MYL6B: variants seen among roughly 807,000 people sequenced by gnomAD.
MYL6B encodes myosin light chain 6B.
MYL6B carries 19 observed loss-of-function variants against 24.5 expected under a neutral mutation model. The observed-to-expected ratio is 0.78, with a 90% CI of 0.54 to 1.14. MYL6B has a LOEUF of 1.14. MYL6B is among the 50% of genes most tolerant of loss of function. MYL6B has a pLI of 0.00. For synonymous variants in MYL6B, 90 were observed against 100.7 expected (o/e 0.89, Z 0.64); for missense variants, 230 against 263.8 (o/e 0.87, Z 0.89).
chr12:56,155,721 A>C (rs1410384315), intron 5 of MYL6B, 129 bp downstream of exon 5: 2 of 1,549,908 alleles, frequency 1.3e-6, no homozygotes, highest in African/African-American at 2.7e-5. Flanking sequence ...CAGGAGACTG[A>C]GAAGGTCAGA....
chr12:56,155,746 A>G, intron 5 of MYL6B, 154 bp downstream of exon 5: 1 of 1,535,818 alleles, frequency 6.5e-7, no homozygotes, highest in Non-Finnish European at 8.7e-7. Flanking sequence ...TGGGGGTAGA[A>G]TCTGAAGGAC....
At chr12:56,154,771 A>G in intron 2 of MYL6B, 42 bp from the exon 3 acceptor site, 1 of 1,600,224 alleles carries the variant, frequency 6.2e-7, no homozygotes, top group Non-Finnish European at 8.5e-7. Context: ...AGAGGGATTG[A>G]ATAAACTCTC....
At chr12:56,155,452 T>C in exon 5 of MYL6B, 2 of 1,614,184 alleles carry the variant, frequency 1.2e-6, no homozygotes, top group Non-Finnish European at 1.7e-6. Flanking sequence ...TTTGAGACTT[T>C]CCTGCCCATG....
exon 7 of MYL6B, chr12:56,157,892 GT>G: frequency 1.3e-6 from 1 of 745,958 alleles, no homozygotes; most frequent in East Asian, 2.7e-5. Flanking sequence ...ATCCAGTGGG[GT>G]CCGGACACTG....
chr12:56,155,003 G>A, intron 3 of MYL6B, 52 bp from the exon 4 acceptor site: 2 of 1,572,562 alleles, frequency 1.3e-6, no homozygotes, highest in South Asian at 2.4e-5. Context: ...TTCTGTCTGG[G>A]GGTGATGGGA....
At chr12:56,155,624 T>C (rs1268010309) in intron 5 of MYL6B, 32 bp downstream of exon 5, 1 of 1,610,428 alleles carries the variant, frequency 6.2e-7, no homozygotes, top group Non-Finnish European at 8.5e-7. Context: ...AGAACTCCTT[T>C]AGAGTGGAGA....
intron 5 of MYL6B, 22 bp from the exon 6 acceptor site, chr12:56,157,446 A>G: frequency 6.2e-7 from 1 of 1,612,580 alleles, no homozygotes; most frequent in Non-Finnish European, 8.5e-7. Flanking sequence ...GGAGGGCCTC[A>G]GACGTTGTGT....
chr12:56,157,753 C>G lies in MYL6B; in HGVS notation c.*27C>G, dbSNP rs201901796. 1.0e-4 allele frequency: 166 copies of G among 1,609,106 alleles called. No individual in the cohort carries two copies. The East Asian group carries it at 2.9e-3, about 28-fold the overall frequency. On this transcript the variant is annotated 3_prime_UTR_variant, in exon 7 of 7. Coordinates refer to ENST00000553066, the Ensembl canonical transcript of MYL6B. ...TGCTGCAGGTAGGGCCCTCCCACCC[C>G]TTCGCCGCGCCTTACGAGGCAAGTC...
At chr12:56,156,442 TAAAAACAC>T (rs776400448) in intron 5 of MYL6B, among the ~76,000 whole-genome samples, 1 of 150,002 alleles carries the variant, frequency 6.7e-6, no homozygotes, top group Non-Finnish European at 1.5e-5. Context: ...TCGTCTCTAC[TAAAAACAC>T]AAAAATTAGC....
chr12:56,157,397 AAAAGG>A, intron 5 of MYL6B, 66 bp from the exon 6 acceptor site: 3 of 1,474,286 alleles, frequency 2.0e-6, no homozygotes, highest in Non-Finnish European at 2.8e-6. Context: ...CTCAAAAAAA[AAAAGG>A]AAAAGCGTGG....
In MYL6B at chr12:56,154,167, G is replaced by C. The variant is rs1001371958; in HGVS notation, c.174+75G>C. ...GGGATACAGCCTAGGGGATTAGGGGGTATCTAGAAGGTAGGGAATCAGTGA... is the reference window on the plus strand; with the variant it reads ...GGGATACAGCCTAGGGGATTAGGGGCTATCTAGAAGGTAGGGAATCAGTGA... On this transcript the variant is annotated intron_variant, in intron 2 of 6. Coordinates refer to ENST00000553066, the Ensembl canonical transcript of MYL6B. The C allele has an allele frequency of 2.8e-6, 4 of 1,423,188 alleles. No individual in the cohort carries two copies. In the African/African-American group the frequency reaches 5.7e-5, roughly 20 times the overall value. The allele number at this position is 1,423,188 out of a possible 1,614,324, so 88.2% of individuals were successfully genotyped here. A position where few individuals can be genotyped will look rare whatever the true frequency, so the allele number is the denominator to read the frequency against.
chr12:56,154,732 G>A (rs1871240676), intron 2 of MYL6B, 81 bp from the exon 3 acceptor site: 2 of 1,516,640 alleles, frequency 1.3e-6, no homozygotes, highest in Admixed American at 3.8e-5. Context: ...CCTCAGAAGT[G>A]GCTGCCAGTT....
intron 4 of MYL6B, 38 bp from the exon 5 acceptor site, chr12:56,155,381 C>T (rs777905400): frequency 1.2e-6 from 2 of 1,613,682 alleles, no homozygotes; most frequent in Non-Finnish European, 1.7e-6. Context: ...CTATGTAATA[C>T]TACAATGACC....
intron 2 of MYL6B, 95 bp downstream of exon 2, chr12:56,154,187 C>A: frequency 1.6e-6 from 2 of 1,275,206 alleles, no homozygotes; most frequent in Non-Finnish European, 2.1e-6. Flanking sequence ...GGTAGGGAAT[C>A]AGTGAGCCCT....
chr12:56,155,741 G>A (rs1242111299), intron 5 of MYL6B, 149 bp downstream of exon 5: 2 of 1,538,300 alleles, frequency 1.3e-6, no homozygotes, highest in Non-Finnish European at 1.7e-6. Flanking sequence ...AGCTATGGGG[G>A]TAGAATCTGA....
chr12:56,153,495 G>A, intron 1 of MYL6B: 6 of 987,292 alleles, frequency 6.1e-6, no homozygotes, highest in Non-Finnish European at 7.2e-6. Context: ...GTTCACACAA[G>A]CCTCCCTGGC....
chr12:56,155,726 G>A (rs536882736), intron 5 of MYL6B, 134 bp downstream of exon 5: 97 of 1,547,120 alleles, frequency 6.3e-5, no homozygotes, highest in Non-Finnish European at 7.9e-5. Context: ...GACTGAGAAG[G>A]TCAGAGCTAT....
rs746072043 is a variant in MYL6B, at chr12:56,154,066, C to T, written c.148C>T (p.Pro50Ser). The T allele has an allele frequency of 5.8e-5, 93 of 1,613,608 alleles. No homozygotes were observed. The highest frequency in any genetic ancestry group is 7.5e-5 in the Non-Finnish European group (89 of 1,179,804). ...CCAGGCCCCTCAGAAAACCCAGGAG[C>T]CTCCAGTCGATCTCTCCAAAGTGGT... The change falls in exon 2 of 7, where the codon CCT (proline) becomes TCT (serine). Residue 50 changes from proline (P) to serine (S), a missense_variant. Pro to Ser is a moderately conservative substitution (Grantham distance 74). Coordinates refer to ENST00000553066, the Ensembl canonical transcript of MYL6B.
exon 2 of MYL6B, chr12:56,153,995 C>T (rs376699130): frequency 1.2e-5 from 20 of 1,614,128 alleles, no homozygotes; most frequent in Non-Finnish European, 1.6e-5. Context: ...AAGCCAGCAG[C>T]AGCAGGGGCT....
Sources: gnomAD v4.1 joint callset for allele counts (sites outside exome capture counted in the v4.1 genomes callset) on GRCh38, gnomAD v4.1.1 for gene constraint, MANE v1.5 for transcripts, NCBI Gene and HGNC (gene_info 2026-07-23, HGNC 2026-07-21) for gene names.